Variants in NCOA2 observed in about 807,000 individuals in gnomAD.
The protein encoded by NCOA2 is class E basic helix-loop-helix protein 75.
A neutral mutation model predicts 145.1 loss-of-function variants in NCOA2; 21 were observed. The observed-to-expected ratio is 0.14, with a 90% confidence interval of 0.10 to 0.21. The LOEUF is 0.21. Ranked by LOEUF, NCOA2 falls within the 10% of genes least tolerant of loss-of-function variation. The pLI is 1.00. For synonymous variants in NCOA2, 619 were observed against 637.5 expected, an observed-to-expected ratio of 0.97 and a Z score of 0.44; for missense variants, 1,472 against 1,837.6, an observed-to-expected ratio of 0.80 and a Z score of 3.64.
chr8:70,338,886 A>G lies in NCOA2; in HGVS notation c.-76-42086T>C, dbSNP rs1270476283. Among the ~76,000 whole-genome samples, 52 of 152,150 alleles carry G rather than the reference A, an allele frequency of 3.4e-4. 1 individual carries two copies. Among genetic ancestry groups the G allele is most frequent in the Admixed American group, 3.4e-3 (52 of 15,266 alleles). ...TCAATACACGCAGAAAAGGCCTTCAATAAAATTCAACATCCCTTCATGTTA... is the reference window on the plus strand; with the variant it reads ...TCAATACACGCAGAAAAGGCCTTCAGTAAAATTCAACATCCCTTCATGTTA... On this transcript the variant is annotated intron_variant, in intron 1 of 22. Coordinates refer to ENST00000452400, the MANE Select transcript of NCOA2 (RefSeq NM_006540.4).
chr8:70,132,121 G>T, intron 15 of NCOA2, 119 bp from the exon 16 acceptor site: 1 of 987,010 alleles, frequency 1.0e-6, no homozygotes, highest in Non-Finnish European at 1.5e-6. Flanking sequence ...ACAAACTACT[G>T]TACCAACTCA....
At chr8:70,188,938 T>C (rs918668148) in intron 4 of NCOA2, among the ~76,000 whole-genome samples, 2 of 151,828 alleles carry the variant, frequency 1.3e-5, no homozygotes, top group African/African-American at 2.4e-5. Flanking sequence ...TCTTCAGTTA[T>C]CAATGATAAA....
chr8:70,239,601 C>T (rs56672670), intron 2 of NCOA2, among the ~76,000 whole-genome samples: 3,563 of 152,190 alleles, frequency 0.023, 128 homozygotes, highest in African/African-American at 0.078. Context: ...AGACACTGCC[C>T]GCCCCCCAGC....
At chr8:70,213,815 T>C (rs755361752) in intron 4 of NCOA2, 88 bp downstream of exon 4, 16 of 1,068,406 alleles carry the variant, frequency 1.5e-5, no homozygotes, top group Admixed American at 2.9e-5. Flanking sequence ...GCATAAGAAA[T>C]GGATTAAAGG....
At chr8:70,163,961 A>T (rs1190010676) in intron 7 of NCOA2, among the ~76,000 whole-genome samples, 1 of 152,224 alleles carries the variant, frequency 6.6e-6, no homozygotes, top group Non-Finnish European at 1.5e-5. Context: ...AAATGATGAA[A>T]CTAAAATATG....
intron 2 of NCOA2, among the ~76,000 whole-genome samples, chr8:70,222,892 G>C (rs1338361949): frequency 3.9e-5 from 6 of 152,168 alleles, no homozygotes; most frequent in Non-Finnish European, 8.8e-5. Context: ...AAAATGTCTA[G>C]TCTGACATCA....
At chr8:70,157,361 A>T in intron 10 of NCOA2, 121 bp from the exon 11 acceptor site, 1 of 899,644 alleles carries the variant, frequency 1.1e-6, no homozygotes. Context: ...TTTTAAGGAT[A>T]GATAATACTT....
intron 1 of NCOA2, among the ~76,000 whole-genome samples, chr8:70,384,273 A>G (rs115283067): frequency 0.012 from 1,760 of 151,526 alleles, 40 homozygotes; most frequent in African/African-American, 0.04. Flanking sequence ...AAAAAAAAAC[A>G]CACACACAAA....
intron 2 of NCOA2, among the ~76,000 whole-genome samples, chr8:70,294,164 A>G (rs1826909554): frequency 6.6e-6 from 1 of 152,146 alleles, no homozygotes; most frequent in South Asian, 2.1e-4. Context: ...AACTCCTGAT[A>G]TACTGCAAGG....
At chr8:70,231,540 C>T (rs559326905) in intron 2 of NCOA2, among the ~76,000 whole-genome samples, 2 of 152,330 alleles carry the variant, frequency 1.3e-5, no homozygotes, top group Admixed American at 6.5e-5. Context: ...AAAGCAGAAT[C>T]CCTTGAGGAA....
intron 2 of NCOA2, among the ~76,000 whole-genome samples, chr8:70,277,980 C>T (rs1410655468): frequency 3.9e-5 from 6 of 152,122 alleles, no homozygotes; most frequent in Non-Finnish European, 5.9e-5. Flanking sequence ...CAGAGTTGTG[C>T]AACCAATACC....
chr8:70,338,674 T>C (rs895084262), intron 1 of NCOA2, among the ~76,000 whole-genome samples: 2 of 152,140 alleles, frequency 1.3e-5, no homozygotes, highest in Non-Finnish European at 2.9e-5. Context: ...TGAAGAGTGA[T>C]GCAAAAACCC....
chr8:70,352,252 T>A (rs911101151), intron 1 of NCOA2, among the ~76,000 whole-genome samples: 1 of 152,304 alleles, frequency 6.6e-6, no homozygotes, highest in East Asian at 1.9e-4. Flanking sequence ...AGTGCTATTA[T>A]GTCGTCTTTT....
intron 2 of NCOA2, among the ~76,000 whole-genome samples, chr8:70,238,124 C>T (rs1469732956): frequency 6.6e-6 from 1 of 152,010 alleles, no homozygotes; most frequent in Non-Finnish European, 1.5e-5. Context: ...TCATGGATAA[C>T]TTAGTCAATG....
intron 1 of NCOA2, among the ~76,000 whole-genome samples, chr8:70,343,802 C>G (rs79293802): frequency 1.3e-5 from 2 of 149,652 alleles, no homozygotes; most frequent in African/African-American, 5.0e-5. Flanking sequence ...TGAAGCAAGA[C>G]CCCATCTCAA....
intron 2 of NCOA2, among the ~76,000 whole-genome samples, chr8:70,284,695 G>T (rs942792782): frequency 6.6e-6 from 1 of 152,108 alleles, no homozygotes; most frequent in Admixed American, 6.6e-5. Context: ...TTGTGTGTGT[G>T]GGTGTGGTGT....
intron 2 of NCOA2, among the ~76,000 whole-genome samples, chr8:70,269,673 A>T (rs1419642766): frequency 6.6e-6 from 1 of 152,190 alleles, no homozygotes; most frequent in Non-Finnish European, 1.5e-5. Flanking sequence ...TTCATTAAGG[A>T]GCACTTCCAA....
intron 20 of NCOA2, 148 bp from the exon 21 acceptor site, chr8:70,124,230 G>A (rs955273822): frequency 2.8e-6 from 2 of 719,972 alleles, no homozygotes; most frequent in Middle Eastern, 3.9e-4. Flanking sequence ...GCAGGTGGTG[G>A]GCTTGCTGAA....
the NCOA2 span, among the ~76,000 whole-genome samples, chr8:70,443,384 T>C: frequency 2.2e-4 from 33 of 151,962 alleles, no homozygotes; most frequent in African/African-American, 8.0e-4. Flanking sequence ...AAAATAATAA[T>C]AATAATACTA....
Sources: allele counts gnomAD v4.1 joint callset (sites outside exome capture counted in the v4.1 genomes callset), GRCh38; gene constraint gnomAD v4.1.1; transcripts MANE v1.5; gene names NCBI Gene and HGNC (gene_info 2026-07-23, HGNC 2026-07-21).